The following PSD2 variants were observed in gnomAD, a reference collection of about 807,000 sequenced individuals.
The protein encoded by PSD2 is pleckstrin and Sec7 domain containing 2, also known as PH and SEC7 domain-containing protein 2.
PSD2 carries 38 observed loss-of-function variants against 69.8 expected under a neutral mutation model. The observed-to-expected ratio is 0.54, with a 90% confidence interval of 0.42 to 0.71. PSD2 has a LOEUF of 0.71. Ranked by LOEUF, PSD2 falls within the 30% of genes least tolerant of loss-of-function variation. The probability of loss-of-function intolerance (pLI) is 0.00; values close to 1 mark genes in which losing one functional copy is unlikely to be tolerated. For synonymous variants in PSD2, 412 were observed against 423.0 expected (o/e 0.97, Z 0.32); for missense variants, 943 against 1,014.5 (o/e 0.93, Z 0.96).
At chr5:139,771,143 A>G in the PSD2 span, among the ~76,000 whole-genome samples, 1 of 152,248 alleles carries the variant, frequency 6.6e-6, no homozygotes, top group Admixed American at 6.5e-5. Context: ...ATTATTAGGC[A>G]TTTCCCTCCT....
chr5:139,822,000 C>G lies in PSD2; in HGVS notation c.1205C>G (p.Ser402Trp). Residue 402 changes from serine to tryptophan, a missense_variant, in exon 6 of 15, where the codon TCG becomes TGG. By Grantham distance (177) the Ser-to-Trp change is radical. Coordinates refer to ENST00000274710, the MANE Select transcript of PSD2 (RefSeq NM_032289.4). ...YCQCNPDDST[S>W]EDGIHTLTCA... is the part of the protein sequence containing the mutation. ...CAGTGCAACCCTGATGACAGCACTTCGGAAGGTATGGCCCCTTGCCCACTC... is the reference window on the plus strand; with the variant it reads ...CAGTGCAACCCTGATGACAGCACTTGGGAAGGTATGGCCCCTTGCCCACTC... The G allele has an allele frequency of 6.2e-7, 1 of 1,600,124 alleles. No individual in the cohort carries two copies. The highest frequency in any genetic ancestry group is 8.5e-7 in the Non-Finnish European group (1 of 1,170,804).
chr5:139,784,089 G>A, the PSD2 span, among the ~76,000 whole-genome samples: 5 of 151,382 alleles, frequency 3.3e-5, no homozygotes, highest in African/African-American at 7.3e-5. Flanking sequence ...CTACAGGCAC[G>A]CACCACCACA....
chr5:139,821,435 G>C (rs774012056), intron 5 of PSD2, among the ~76,000 whole-genome samples: 1 of 152,172 alleles, frequency 6.6e-6, no homozygotes, highest in East Asian at 1.9e-4. Context: ...ACTTGGGGTA[G>C]GGGAGGAGTT....
At chr5:139,752,350 A>C in the PSD2 span, among the ~76,000 whole-genome samples, 6 of 152,104 alleles carry the variant, frequency 3.9e-5, no homozygotes, top group Admixed American at 3.3e-4. Flanking sequence ...CCACACATCC[A>C]GCCCAGCTCA....
chr5:139,835,250 A>G (rs1303242452), intron 8 of PSD2, among the ~76,000 whole-genome samples: 1 of 151,252 alleles, frequency 6.6e-6, no homozygotes, highest in Non-Finnish European at 1.5e-5. Context: ...AATCTTCCTC[A>G]TATACCCTCT....
At chr5:139,766,839 C>CTTTCTTTCT in the PSD2 span, among the ~76,000 whole-genome samples, 4 of 139,312 alleles carry the variant, frequency 2.9e-5, no homozygotes, top group East Asian at 6.6e-4. Context: ...TTCTTTCTTT[C>CTTTCTTTCT]TTTCTTTCTT....
chr5:139,821,699 C>T (rs1014995392), intron 5 of PSD2, among the ~76,000 whole-genome samples, 194 bp from the exon 6 acceptor site: 16 of 152,208 alleles, frequency 1.1e-4, no homozygotes, highest in African/African-American at 3.4e-4. Flanking sequence ...CTTACCAGGT[C>T]CCCTGGCCTC....
At chr5:139,773,998 T>A in the PSD2 span, among the ~76,000 whole-genome samples, 5 of 140,430 alleles carry the variant, frequency 3.6e-5, no homozygotes, top group Admixed American at 7.4e-5. Flanking sequence ...TTGAGGGACA[T>A]TGTCCCTCAA....
the PSD2 span, among the ~76,000 whole-genome samples, chr5:139,748,719 C>G: frequency 6.6e-6 from 1 of 152,256 alleles, no homozygotes; most frequent in Non-Finnish European, 1.5e-5. Context: ...GCGCTGAGCC[C>G]CCGGCCCGTC....
the PSD2 span, among the ~76,000 whole-genome samples, chr5:139,771,613 C>A: frequency 1.3e-5 from 2 of 152,108 alleles, no homozygotes; most frequent in Non-Finnish European, 2.9e-5. Flanking sequence ...TTCCTGACCT[C>A]GTGATCCGCC....
intron 4 of PSD2, among the ~76,000 whole-genome samples, chr5:139,815,092 T>C (rs1760085849): frequency 6.6e-6 from 1 of 152,132 alleles, no homozygotes; most frequent in African/African-American, 2.4e-5. Flanking sequence ...GTCCAGACCC[T>C]TGTCCATGAG....
At position 139,836,827 on chromosome 5, in the gene PSD2, A is replaced by G; in HGVS notation, c.1420A>G (p.Arg474Gly). The change falls in exon 10 of 15, where the codon AGG becomes GGG. Residue 474 changes from arginine to glycine, a missense_variant. Physicochemically the swap from Arg to Gly is moderately radical, Grantham distance 125. Around this residue, in one of 3 missense-constraint regions of PSD2, gnomAD observed 312 missense variants for 400.7 expected, o/e 0.78. Transcript: ENST00000274710. ...LEWAIDEDEL[R>G]KSLSELVDDK... is the part of the protein sequence containing the mutation. ...CTTCCCTAGTGATGAGGATGAGCTG[A>G]GGAAATCCCTGTCTGAGCTGGTGGA... 6.2e-7 allele frequency: 1 copy of G among 1,614,082 alleles called. No homozygotes were observed. Among genetic ancestry groups the G allele is most frequent in the Non-Finnish European group, 8.5e-7 (1 of 1,179,952 alleles).
At chr5:139,753,529 T>C in the PSD2 span, among the ~76,000 whole-genome samples, 4 of 152,152 alleles carry the variant, frequency 2.6e-5, no homozygotes, top group African/African-American at 9.7e-5. Flanking sequence ...GGGAGGGGTG[T>C]ATGCATCCTG....
the PSD2 span, among the ~76,000 whole-genome samples, chr5:139,778,722 G>A: frequency 6.6e-6 from 1 of 151,936 alleles, no homozygotes; most frequent in South Asian, 2.1e-4. Flanking sequence ...CCAGGAGGTT[G>A]AGATCAGCCT....
the PSD2 span, among the ~76,000 whole-genome samples, chr5:139,767,385 G>A: frequency 6.6e-6 from 1 of 152,036 alleles, no homozygotes; most frequent in East Asian, 1.9e-4. Flanking sequence ...CACGATCTCA[G>A]ATCACTGCAA....
chr5:139,784,847 T>G, the PSD2 span, among the ~76,000 whole-genome samples: 6 of 152,034 alleles, frequency 3.9e-5, no homozygotes, highest in Non-Finnish European at 1.5e-5. Flanking sequence ...CTCCGCCTCC[T>G]GGGTTCAAAT....
chr5:139,744,695 A>G, the PSD2 span, among the ~76,000 whole-genome samples: 6 of 152,188 alleles, frequency 3.9e-5, no homozygotes, highest in African/African-American at 1.4e-4. Flanking sequence ...CTCCTGCCCC[A>G]GACCCAGCCC....
chr5:139,754,978 G>A, the PSD2 span, among the ~76,000 whole-genome samples: 2 of 152,200 alleles, frequency 1.3e-5, no homozygotes, highest in East Asian at 1.9e-4. Context: ...GAGAGGGTCC[G>A]GGCTGCCCCC....
chr5:139,798,922 A>G (rs1759598132), intron 1 of PSD2, among the ~76,000 whole-genome samples: 1 of 152,022 alleles, frequency 6.6e-6, no homozygotes, highest in Non-Finnish European at 1.5e-5. Flanking sequence ...GCATTTAGTT[A>G]TTATGGCTCT....
Sources: allele counts gnomAD v4.1 joint callset (sites outside exome capture counted in the v4.1 genomes callset), GRCh38; gene constraint gnomAD v4.1.1; regional missense constraint gnomAD v4.1.1; transcripts MANE v1.5; gene names NCBI Gene and HGNC (gene_info 2026-07-23, HGNC 2026-07-21).